Variants in OAS2 observed in about 807,000 individuals in gnomAD.
OAS2 encodes 2'-5'-oligoadenylate synthetase 2, also known as 2'-5'-oligoadenylate synthase 2.
A neutral mutation model predicts 71.3 loss-of-function variants in OAS2; 67 were observed. The ratio of observed to expected loss-of-function variants is 0.94; its 90% CI spans 0.77 to 1.15. OAS2 has a LOEUF of 1.15. Ranked by LOEUF, OAS2 falls within the 50% of genes most tolerant of loss-of-function variation. OAS2 has a pLI of 0.00. For missense variants in OAS2, 789 were observed against 822.5 expected, an observed-to-expected ratio of 0.96 and a Z score of 0.50; for synonymous variants, 327 against 321.8, an observed-to-expected ratio of 1.02 and a Z score of -0.17.
In OAS2 at chr12:112,995,383, T is replaced by C. The variant is rs746375065; in HGVS notation, c.536T>C (p.Val179Ala). ...KTNASPGEFA[V>A]CFTELQQKFF... is the part of the protein sequence containing the mutation. Reference sequence around the variant, plus strand: ...AATGCCAGTCCTGGTGAGTTTGCAGTCTGCTTCACTGAACTCCAGCAGAAG... The same window carrying C: ...AATGCCAGTCCTGGTGAGTTTGCAGCCTGCTTCACTGAACTCCAGCAGAAG... The change falls in exon 3 of 10, where the codon GTC becomes GCC. Residue 179 changes from valine (V) to alanine (A), a missense_variant. By Grantham distance (64) the Val-to-Ala change is moderately conservative (BLOSUM62 0). Transcript: ENST00000392583. 3.1e-6 allele frequency: 5 copies of C among 1,614,184 alleles called. No homozygotes were observed. Among genetic ancestry groups the C allele is most frequent in the Non-Finnish European group, 4.2e-6 (5 of 1,180,008 alleles).
intron 5 of OAS2, among the ~76,000 whole-genome samples, chr12:113,000,579 GCA>G (rs556769395): frequency 2.6e-4 from 33 of 129,096 alleles, no homozygotes; most frequent in African/African-American, 9.7e-4. Flanking sequence ...ACGCACACAC[GCA>G]CACACATACA....
intron 2 of OAS2, chr12:112,988,503 G>A (rs1045854889): frequency 3.8e-5 from 23 of 611,762 alleles, no homozygotes; most frequent in Non-Finnish European, 2.0e-6. Flanking sequence ...TCAGTGATTG[G>A]CACAAGAGTA....
chr12:113,003,159 G>A, intron 6 of OAS2, 57 bp downstream of exon 6: 1 of 1,570,032 alleles, frequency 6.4e-7, no homozygotes, highest in Admixed American at 1.7e-5. Flanking sequence ...GGCATTCCTG[G>A]AAGGGAGGTA....
chr12:113,004,709 A>T (rs1231906555), intron 6 of OAS2, among the ~76,000 whole-genome samples: 1 of 152,256 alleles, frequency 6.6e-6, no homozygotes. Context: ...GTTCATGTAT[A>T]AAAGGCAGGA....
intron 7 of OAS2, among the ~76,000 whole-genome samples, chr12:113,005,918 CAAAAAAAAAAAAA>C (rs138299398): frequency 1.6e-4 from 8 of 49,052 alleles, no homozygotes; most frequent in African/African-American, 5.8e-4. Context: ...ACAACAACAA[CAAAAAAAAAAAAA>C]AAAAAAAAAA....
intron 6 of OAS2, among the ~76,000 whole-genome samples, chr12:113,003,383 G>A (rs2044306182): frequency 6.6e-6 from 1 of 152,122 alleles, no homozygotes; most frequent in Admixed American, 6.6e-5. Flanking sequence ...TCCCGTCTCT[G>A]CCTCTGTCAT....
rs757300125 is a variant in OAS2 at position 112,987,043 on chromosome 12, C to A, written c.183C>A (p.Gly61=). Residue 61 remains glycine, a synonymous_variant, in exon 2 of 10, where the codon GGC becomes GGA. Coordinates refer to ENST00000392583, the MANE Select transcript of OAS2 (RefSeq NM_002535.3). ...FPLVQGVAIG[G]SYGRKTVLRG... is the part of the protein sequence containing the mutation. ...TGCTTCTTTGTCACTGGCAGGGTGG[C>A]TCCTATGGACGGAAAACAGTCTTAA... is the stretch of plus-strand genomic sequence containing the variant. 1.2e-6 allele frequency: 2 copies of A among 1,605,256 alleles called. No individual in the cohort carries two copies. The highest frequency in any genetic ancestry group is 1.7e-6 in the Non-Finnish European group (2 of 1,173,352).
At chr12:113,005,462 A>C (rs1274834117) in intron 7 of OAS2, among the ~76,000 whole-genome samples, 2 of 152,032 alleles carry the variant, frequency 1.3e-5, no homozygotes, top group African/African-American at 2.4e-5. Context: ...AGGCAGGAGA[A>C]TTGCTTGAAC....
At position 113,005,918 on chromosome 12, in the gene OAS2, CAAAAAAAAAAAAAAA is replaced by C. The variant is rs138299398; in HGVS notation, c.1469-476_1469-462del. Among the ~76,000 whole-genome samples the C allele has an allele frequency of 2.2e-3, 110 of 49,058 alleles. 1 individual carries two copies. Among genetic ancestry groups the C allele is most frequent in the African/African-American group, 0.012 (103 of 8,662 alleles). The allele number at this position is 49,058 out of a possible 152,430, so 32.2% of individuals were successfully genotyped here. On this transcript the variant is annotated intron_variant, in intron 7 of 9. Transcript: ENST00000392583. ...AAAAAGCAAAAAACAACAACAACAA[CAAAAAAAAAAAAAAA>C]AAAAAAAAAAAAAAAAAACAAGAAG...
intron 2 of OAS2, among the ~76,000 whole-genome samples, 176 bp from the exon 3 acceptor site, chr12:112,995,120 C>G (rs2044222635): frequency 6.6e-6 from 1 of 152,184 alleles, no homozygotes; most frequent in South Asian, 2.1e-4. Context: ...ACTTTATTAT[C>G]TAATGGGCCA....
chr12:112,998,502 C>A, intron 5 of OAS2, 92 bp downstream of exon 5: 2 of 1,394,150 alleles, frequency 1.4e-6, no homozygotes, highest in Non-Finnish European at 2.0e-6. Context: ...ACTCTATATT[C>A]GTTTCCTGTA....
chr12:112,983,556 C>A (rs145146224), intron 1 of OAS2, among the ~76,000 whole-genome samples: 40 of 152,236 alleles, frequency 2.6e-4, no homozygotes, highest in Non-Finnish European at 4.0e-4. Context: ...TAAGATGAAC[C>A]GTTAGGTTGT....
intron 3 of OAS2, 44 bp from the exon 4 acceptor site, chr12:112,997,476 A>C (rs2044243883): frequency 6.5e-7 from 1 of 1,530,606 alleles, no homozygotes; most frequent in Admixed American, 1.7e-5. Context: ...ACATGGTAAG[A>C]ACTAGATCCC....
chr12:112,991,568 G>A (rs908562064), intron 2 of OAS2, among the ~76,000 whole-genome samples: 2 of 152,184 alleles, frequency 1.3e-5, no homozygotes, highest in Non-Finnish European at 1.5e-5. Flanking sequence ...ATTCAAAGTG[G>A]GGAGAGGGCT....
intron 5 of OAS2, among the ~76,000 whole-genome samples, chr12:113,002,126 C>T (rs924465565): frequency 2.0e-5 from 3 of 152,142 alleles, no homozygotes; most frequent in African/African-American, 7.2e-5. Context: ...ATACACCAAG[C>T]CTCAGCGACA....
At chr12:113,008,213 A>G (rs559125082) in intron 9 of OAS2, among the ~76,000 whole-genome samples, 10 of 152,296 alleles carry the variant, frequency 6.6e-5, no homozygotes, top group African/African-American at 2.2e-4. Context: ...GTGTGTCCCT[A>G]AGAATTAACG....
chr12:113,001,381 CAT>C, intron 5 of OAS2, among the ~76,000 whole-genome samples: 1 of 55,132 alleles, frequency 1.8e-5, no homozygotes. Flanking sequence ...TACACACACA[CAT>C]ATACACATAT....
chr12:112,998,788 C>T (rs2044258578), intron 5 of OAS2, among the ~76,000 whole-genome samples: 1 of 152,184 alleles, frequency 6.6e-6, no homozygotes, highest in South Asian at 2.1e-4. Flanking sequence ...TCTGTCTTAT[C>T]ATCTCCTCTT....
chr12:112,993,902 A>C lies in OAS2; in HGVS notation c.449-1394A>C, dbSNP rs370499821. Among the ~76,000 whole-genome samples, 28 of 151,986 alleles carry C rather than the reference A, an allele frequency of 1.8e-4. 2 individuals are homozygous for C. Among genetic ancestry groups the C allele is most frequent in the South Asian group, 6.2e-4 (3 of 4,818 alleles). ...GTAAGAATAATGATGAAACAAACTC[A>C]GTAGTCCTATAGACCATTTTTTGTT... On this transcript the variant is annotated intron_variant, in intron 2 of 9. Coordinates refer to ENST00000392583, the MANE Select transcript of OAS2 (RefSeq NM_002535.3).
Sources: allele counts gnomAD v4.1 joint callset (sites outside exome capture counted in the v4.1 genomes callset), GRCh38; gene constraint gnomAD v4.1.1; transcripts MANE v1.5; gene names NCBI Gene and HGNC (gene_info 2026-07-23, HGNC 2026-07-21).